HECTD4: variants seen among roughly 807,000 people sequenced by gnomAD.
The protein encoded by HECTD4 is HECT domain E3 ubiquitin protein ligase 4.
HECTD4 carries 114 observed loss-of-function variants against 471.5 expected under a neutral mutation model. The ratio of observed to expected loss-of-function variants is 0.24; its 90% CI spans 0.21 to 0.28. The LOEUF is 0.28. Among genes scored for constraint, HECTD4 ranks in the 10% least tolerant of loss-of-function variants. The probability of loss-of-function intolerance (pLI) is 1.00; values close to 1 mark genes in which losing one functional copy is unlikely to be tolerated. For synonymous variants in HECTD4, 2,012 were observed against 2,256.0 expected (o/e 0.89, Z 3.07); for missense variants, 3,866 against 5,651.5 (o/e 0.68, Z 10.13).
intron 53 of HECTD4, among the ~76,000 whole-genome samples, chr12:112,204,157 C>T (rs898763415): frequency 6.6e-6 from 1 of 152,202 alleles, no homozygotes; most frequent in African/African-American, 2.4e-5. Context: ...ATTCTCCTGC[C>T]TCAGCCTCTA....
At chr12:112,257,979 G>C (rs895432943) in intron 20 of HECTD4, among the ~76,000 whole-genome samples, 2 of 152,002 alleles carry the variant, frequency 1.3e-5, no homozygotes, top group African/African-American at 4.8e-5. Context: ...CATGAGGTCA[G>C]GAGTTCAAAA....
chr12:112,283,078 G>T, intron 8 of HECTD4, 32 bp downstream of exon 8: 2 of 1,576,842 alleles, frequency 1.3e-6, no homozygotes, highest in East Asian at 2.2e-5. Flanking sequence ...GCTATACAAG[G>T]AAACAGATCT....
In HECTD4 at chr12:112,171,205, T is replaced by G. The variant is rs2031207072; in HGVS notation, c.11844A>C (p.Thr3948=). 4 of 1,612,734 alleles carry G rather than the reference T, an allele frequency of 2.5e-6. No homozygotes were observed. Among genetic ancestry groups the G allele is most frequent in the Non-Finnish European group, 3.4e-6 (4 of 1,179,582 alleles). ...RFALLQSLNT[T]LETFFLPLVE... ...CCAGGGGCAGGAAGAAGGTCTCCAG[T>G]GTGGTGTTGAGGGACTGCAGCAAGG... The change falls in exon 68 of 76, where the codon ACA becomes ACC. Residue 3948 remains threonine (T), a synonymous_variant. Coordinates refer to ENST00000682272, the MANE Select transcript of HECTD4 (RefSeq NM_001388303.1).
Position 112,207,936 on chromosome 12 carries a change from C to A in HECTD4, c.8069G>T (p.Arg2690Leu). ...TTTCCGCTCTGCTTCATTGCGGAAG[C>A]GTCTTCGGATGGTAGGAAAAACCTT... is the stretch of plus-strand genomic sequence containing the variant. ...ETKVFPTIRR[R>L]FRNEAERKSG... is the part of the protein sequence containing the mutation. Residue 2690 changes from arginine to leucine, a missense_variant, in exon 52 of 76, where the codon CGC becomes CTC. By Grantham distance (102) the Arg-to-Leu change is moderately radical. Transcript: ENST00000682272. 6.2e-7 allele frequency: 1 copy of A among 1,613,864 alleles called. No homozygotes were observed. The highest frequency in any genetic ancestry group is 8.5e-7 in the Non-Finnish European group (1 of 1,179,834).
intron 67 of HECTD4, among the ~76,000 whole-genome samples, chr12:112,171,647 CAT>C (rs1395489351): frequency 6.6e-6 from 1 of 152,212 alleles, no homozygotes; most frequent in Non-Finnish European, 1.5e-5. Context: ...ATGGTGATGT[CAT>C]ATCAAAACCA....
At chr12:112,361,035 T>A (rs1471459516) in intron 1 of HECTD4, among the ~76,000 whole-genome samples, 1 of 151,398 alleles carries the variant, frequency 6.6e-6, no homozygotes, top group Non-Finnish European at 1.5e-5. Context: ...GTCAACTACA[T>A]TAATAAAGAC....
At chr12:112,250,612 T>C (rs1050652829) in intron 24 of HECTD4, among the ~76,000 whole-genome samples, 3 of 152,224 alleles carry the variant, frequency 2.0e-5, no homozygotes, top group Admixed American at 2.0e-4. Flanking sequence ...ACAGAAAAGC[T>C]GAAAGAATGA....
rs186791424 is a variant in HECTD4, at chr12:112,196,928, G to A, written c.8568-1862C>T. Among the ~76,000 whole-genome samples, 79 of 151,756 alleles carry A rather than the reference G, an allele frequency of 5.2e-4. 1 individual carries two copies. Among genetic ancestry groups the A allele is most frequent in the African/African-American group, 1.8e-3 (74 of 41,396 alleles). On this transcript the variant is annotated intron_variant, in intron 55 of 75. Coordinates refer to ENST00000682272, the MANE Select transcript of HECTD4 (RefSeq NM_001388303.1). ...CTCCTGCCTTGGCCTCCCAAGTAGC[G>A]GGGATTACAGGCGTGTGCCACCATG...
In HECTD4 at chr12:112,162,768, C is replaced by CTT. The variant is rs879206169; in HGVS notation, c.13121-247_13121-246dup. ...GGTTTGTCTGCCCAGCAAATTGTTT[C>CTT]TTTTTTTTTTTTTTTAACCATTTTT... On this transcript the variant is annotated intron_variant, in intron 75 of 75. Coordinates refer to ENST00000682272, the MANE Select transcript of HECTD4 (RefSeq NM_001388303.1). This position sits in a 1 kb window ranked among gnomAD's most constrained non-coding sequence, Gnocchi z 5.2. 281 of 465,018 alleles carry CTT rather than the reference C, an allele frequency of 6.0e-4. No individual in the cohort carries two copies. The highest frequency in any genetic ancestry group is 1.0e-3 in the South Asian group (28 of 27,552). The allele number at this position is 465,018 out of a possible 1,614,324, so 28.8% of individuals were successfully genotyped here.
chr12:112,322,208 T>TA (rs1218075235), intron 1 of HECTD4: 2 of 151,782 alleles, frequency 1.3e-5, no homozygotes, highest in African/African-American at 4.8e-5. Flanking sequence ...CAGGGTGGGT[T>TA]AAAATGATGG....
In HECTD4 at chr12:112,193,035, C is replaced by T. The variant is rs746953913; in HGVS notation, c.9086+26G>A. ...CATTTAGCTTTCCTCTCCCCATCAC[C>T]ATCTTCTTGAGAACAGGCAACTTAC... is the stretch of plus-strand genomic sequence containing the variant. On this transcript the variant is annotated intron_variant, in intron 58 of 75. Coordinates refer to ENST00000682272, the MANE Select transcript of HECTD4 (RefSeq NM_001388303.1). This position sits in a 1 kb window ranked among gnomAD's most constrained non-coding sequence, Gnocchi z 5.2. 1.2e-6 allele frequency: 2 copies of T among 1,613,136 alleles called. No homozygotes were observed. Among genetic ancestry groups the T allele is most frequent in the Admixed American group, 3.3e-5 (2 of 59,966 alleles).
rs778173971 is a variant in HECTD4, at chr12:112,192,614, C to T, written c.9238G>A (p.Ala3080Thr). 1.4e-5 allele frequency: 22 copies of T among 1,608,382 alleles called. No homozygotes were observed. Among genetic ancestry groups the T allele is most frequent in the East Asian group, 2.2e-5 (1 of 44,806 alleles). Residue 3080 changes from alanine (A) to threonine (T), a missense_variant, in exon 59 of 76, where the codon GCT (alanine) becomes ACT (threonine). Ala to Thr is a moderately conservative substitution (Grantham distance 58). Transcript: ENST00000682272. ...ANTGLAPPPTADQYPSVVLST... is the reference protein window; with the variant it reads ...ANTGLAPPPTTDQYPSVVLST... Reference sequence around the variant, plus strand: ...AGGACCACAGAGGGGTACTGGTCAGCGGTGGGGGGAGGTGCAAGCCCAGTG... The same window carrying T: ...AGGACCACAGAGGGGTACTGGTCAGTGGTGGGGGGAGGTGCAAGCCCAGTG...
At position 112,243,977 on chromosome 12, in the gene HECTD4, A is replaced by G; in HGVS notation, c.4546T>C (p.Ser1516Pro). Reference protein sequence around the residue: ...CKSASETKVISHAVRQPVFLR... With the variant: ...CKSASETKVIPHAVRQPVFLR... Reference sequence around the variant, plus strand: ...AAAACAGGCTGCCTGACAGCGTGAGATATCACTTTTGTTTCAGAAGCTGAT... The same window carrying G: ...AAAACAGGCTGCCTGACAGCGTGAGGTATCACTTTTGTTTCAGAAGCTGAT... Residue 1516 changes from serine to proline, a missense_variant, in exon 30 of 76, where the codon TCT becomes CCT. This residue lies in a region of HECTD4 where 49 missense variants were observed against 43.6 expected (regional missense o/e 1.12). Transcript: ENST00000682272. The surrounding 1 kb of genome is among the most constrained non-coding windows in gnomAD (Gnocchi z 6.6). The G allele has an allele frequency of 3.1e-6, 5 of 1,613,996 alleles. No individual in the cohort carries two copies. In the South Asian group the frequency reaches 4.4e-5, roughly 14 times the overall value.
Position 112,235,868 on chromosome 12 carries a change from A to C in HECTD4, c.5445-84T>G, listed in dbSNP as rs2033491398. 1.7e-6 allele frequency: 2 copies of C among 1,166,228 alleles called. No individual in the cohort carries two copies. Among genetic ancestry groups the C allele is most frequent in the Non-Finnish European group, 2.4e-6 (2 of 837,686 alleles). The allele number at this position is 1,166,228 out of a possible 1,614,324, so 72.2% of individuals were successfully genotyped here. On this transcript the variant is annotated intron_variant, in intron 35 of 75. Coordinates refer to ENST00000682272, the MANE Select transcript of HECTD4 (RefSeq NM_001388303.1). This position sits in a 1 kb window ranked among gnomAD's most constrained non-coding sequence, Gnocchi z 5.0. ...GAAGCAAGAGTTCTCTGAATGAAAC[A>C]AACCAATGAAATCTGATTTCACGAG... is the stretch of plus-strand genomic sequence containing the variant.
At chr12:112,269,921 T>C (rs183016090) in intron 12 of HECTD4, 72 bp from the exon 13 acceptor site, 2 of 1,325,954 alleles carry the variant, frequency 1.5e-6, no homozygotes, top group African/African-American at 1.5e-5. Flanking sequence ...ACAAAGAAAG[T>C]ACATGGTAGA....
chr12:112,171,895 T>C (rs2031235429), intron 67 of HECTD4, among the ~76,000 whole-genome samples: 1 of 152,208 alleles, frequency 6.6e-6, no homozygotes. Flanking sequence ...AATTTATTTT[T>C]TGTGTGCAAT....
At chr12:112,223,350 G>T (rs1310193892) in intron 44 of HECTD4, among the ~76,000 whole-genome samples, 1 of 152,140 alleles carries the variant, frequency 6.6e-6, no homozygotes, top group East Asian at 1.9e-4. Flanking sequence ...TTTTCTTCAG[G>T]TTCAAAAATC....
chr12:112,276,353 A>G (rs916437178), intron 9 of HECTD4, among the ~76,000 whole-genome samples: 1 of 152,160 alleles, frequency 6.6e-6, no homozygotes, highest in Non-Finnish European at 1.5e-5. Flanking sequence ...ATTTAATAAG[A>G]CTAATGGTCA....
In HECTD4 at chr12:112,162,962, A is replaced by G. The variant is rs1414959203; in HGVS notation, c.13120+80T>C. The G allele has an allele frequency of 8.8e-7, 1 of 1,139,912 alleles. No homozygotes were observed. The highest frequency in any genetic ancestry group is 1.3e-6 in the Non-Finnish European group (1 of 785,240). The allele number at this position is 1,139,912 out of a possible 1,614,324, so 70.6% of individuals were successfully genotyped here. ...CTCCTGTTCATTGTTCTCCCTTCAC[A>G]TGGGGCCTGGCAGCCCCAGTTCCAA... On this transcript the variant is annotated intron_variant, in intron 75 of 75. Coordinates refer to ENST00000682272, the MANE Select transcript of HECTD4 (RefSeq NM_001388303.1). The surrounding 1 kb of genome is among the most constrained non-coding windows in gnomAD (Gnocchi z 5.2).
Sources: gnomAD v4.1 joint callset for allele counts (sites outside exome capture counted in the v4.1 genomes callset) on GRCh38, gnomAD v4.1.1 for gene constraint, gnomAD v4.1.1 regional missense constraint, Gnocchi (gnomAD v3.1) non-coding constraint, MANE v1.5 for transcripts, NCBI Gene and HGNC (gene_info 2026-07-23, HGNC 2026-07-21) for gene names.